The following VPS53 variants were observed in gnomAD, a reference collection of about 807,000 sequenced individuals.
VPS53 encodes VPS53 subunit of GARP complex.
VPS53 carries 70 observed loss-of-function variants against 107.0 expected under a neutral mutation model. The ratio of observed to expected loss-of-function variants is 0.65; its 90% CI spans 0.54 to 0.80. VPS53 has a LOEUF of 0.80. VPS53 is among the 30% of genes least tolerant of loss of function. The pLI is 0.00. For synonymous variants in VPS53, 409 were observed against 393.3 expected, an observed-to-expected ratio of 1.04 and a Z score of -0.47; for missense variants, 917 against 1,049.4, an observed-to-expected ratio of 0.87 and a Z score of 1.74.
rs953953631 is a variant in VPS53, at chr17:524,547, G to A, written c.2086-2809C>T. 4.6e-5 allele frequency among the ~76,000 whole-genome samples: 7 copies of A among 152,288 alleles called. No individual in the cohort carries two copies. The highest frequency in any genetic ancestry group is 2.6e-4 in the Admixed American group (4 of 15,296). ...GAAAAGCACAAACTATCCCAACAGC[G>A]ACACAACAACAGGCAAACAATACTA... On this transcript the variant is annotated intron_variant, in intron 19 of 21. Transcript: ENST00000437048. The surrounding 1 kb of genome is among the most constrained non-coding windows in gnomAD (Gnocchi z 4.5).
At chr17:658,001 C>T in intron 5 of VPS53, among the ~76,000 whole-genome samples, 1 of 124,712 alleles carries the variant, frequency 8.0e-6, no homozygotes, top group African/African-American at 3.2e-5. Flanking sequence ...AAGTGAGATA[C>T]TCGGCCGTGA....
chr17:672,109 G>GACACACACACACACACACACAC (rs10630363), intron 4 of VPS53, among the ~76,000 whole-genome samples: 3 of 108,824 alleles, frequency 2.8e-5, no homozygotes, highest in East Asian at 2.7e-4. Flanking sequence ...TGATGAGGGT[G>GACACACACACACACACACACAC]ACACACACAC....
rs146117188 is a variant in VPS53 at position 554,467 on chromosome 17, G to A, written c.1705-1005C>T. 5.3e-5 allele frequency among the ~76,000 whole-genome samples: 8 copies of A among 152,170 alleles called. No homozygotes were observed. In the East Asian group the frequency reaches 1.4e-3, roughly 26 times the overall value. ...TGCCCAGGCTGGAGTGCAATGGTAC[G>A]ATCTTGGCTCACTGCAACCTCTGCC... On this transcript the variant is annotated intron_variant, in intron 15 of 21. Coordinates refer to ENST00000437048, the MANE Select transcript of VPS53 (RefSeq NM_001128159.3).
At chr17:598,976 C>T (rs749325542) in intron 12 of VPS53, among the ~76,000 whole-genome samples, 852 of 68,024 alleles carry the variant, frequency 0.013, 24 homozygotes, top group Middle Eastern at 0.051. Context: ...CCAGGCCAGC[C>T]GCCCCGTCCG....
At chr17:643,995 G>A (rs1970576476) in intron 7 of VPS53, among the ~76,000 whole-genome samples, 1 of 152,208 alleles carries the variant, frequency 6.6e-6, no homozygotes, top group Admixed American at 6.5e-5. Context: ...AAATGGCTGT[G>A]AAAAATATAT....
intron 18 of VPS53, chr17:536,376 C>G (rs1470180209): frequency 6.6e-6 from 1 of 151,232 alleles, no homozygotes; most frequent in Non-Finnish European, 1.5e-5. Context: ...TGGCTCCTAC[C>G]CTTAAGAGGC....
chr17:599,100 G>A (rs1344326611), intron 12 of VPS53, among the ~76,000 whole-genome samples: 1 of 134,708 alleles, frequency 7.4e-6, no homozygotes, highest in African/African-American at 2.7e-5. Context: ...CCCTCTGCCA[G>A]GCCAGCCGCC....
At position 513,150 on chromosome 17, in the gene VPS53, C is replaced by T. The variant is rs889525904; in HGVS notation, c.*5978G>A. The T allele has an allele frequency of 6.6e-6, 1 of 152,214 alleles. No homozygotes were observed. Among genetic ancestry groups the T allele is most frequent in the Admixed American group, 6.5e-5 (1 of 15,268 alleles). 9.4% of individuals were successfully genotyped at this position (152,214 alleles called of 1,614,324 possible). ...GGCAGCCACCAGGAGCGGCCAGGGTCACGGACTTGCTACTTCTTTCCTAGA... is the reference window on the plus strand; with the variant it reads ...GGCAGCCACCAGGAGCGGCCAGGGTTACGGACTTGCTACTTCTTTCCTAGA... On this transcript the variant is annotated 3_prime_UTR_variant, in exon 22 of 22. Coordinates refer to ENST00000437048, the MANE Select transcript of VPS53 (RefSeq NM_001128159.3).
Position 631,573 on chromosome 17 carries a change from C to T in VPS53, c.664G>A (p.Ala222Thr), listed in dbSNP as rs144345391. ...ACCTTGGTGCCCTGGGAAGGAAACGCTTCTTCAAAATCTGCCAGGATTTGC... is the reference window on the plus strand; with the variant it reads ...ACCTTGGTGCCCTGGGAAGGAAACGTTTCTTCAAAATCTGCCAGGATTTGC... ...GQQILADFEE[A>T]FPSQGTKRPG... Residue 222 changes from alanine to threonine, a missense_variant, in exon 8 of 22, where the codon GCG becomes ACG. By Grantham distance (58) the Ala-to-Thr change is moderately conservative. Transcript: ENST00000437048. 1.3e-5 allele frequency: 21 copies of T among 1,613,946 alleles called. No individual in the cohort carries two copies. In the African/African-American group the frequency reaches 2.1e-4, roughly 16 times the overall value.
intron 14 of VPS53, among the ~76,000 whole-genome samples, chr17:561,302 C>T (rs1408726171): frequency 2.0e-5 from 3 of 152,202 alleles, no homozygotes; most frequent in African/African-American, 7.2e-5. Context: ...AACCACTACC[C>T]ACTCATATCT....
At chr17:552,209 C>T (rs1175784277) in intron 16 of VPS53, among the ~76,000 whole-genome samples, 1 of 152,128 alleles carries the variant, frequency 6.6e-6, no homozygotes, top group Non-Finnish European at 1.5e-5. Flanking sequence ...ACATCTTCCT[C>T]CCAAAGAACC....
chr17:668,045 G>C (rs1173130935), intron 4 of VPS53, among the ~76,000 whole-genome samples: 1 of 152,112 alleles, frequency 6.6e-6, no homozygotes, highest in African/African-American at 2.4e-5. Context: ...CTGCTCGCTG[G>C]TGCCAAAAAG....
At chr17:662,479 G>A (rs1971474804) in intron 4 of VPS53, among the ~76,000 whole-genome samples, 2 of 151,984 alleles carry the variant, frequency 1.3e-5, no homozygotes, top group African/African-American at 4.8e-5. Flanking sequence ...CACGAGGTCA[G>A]GAGATCAAGA....
At chr17:664,459 G>A (rs924969062) in intron 4 of VPS53, among the ~76,000 whole-genome samples, 19 of 152,156 alleles carry the variant, frequency 1.2e-4, no homozygotes, top group Admixed American at 5.2e-4. Context: ...TTGGAGGTCC[G>A]AAAAGACAGA....
intron 17 of VPS53, among the ~76,000 whole-genome samples, chr17:546,856 AG>A (rs1160484416): frequency 7.0e-6 from 1 of 143,752 alleles, no homozygotes; most frequent in African/African-American, 2.6e-5. Context: ...TCCATTCCTT[AG>A]GTCCCTTAGA....
In VPS53 at chr17:627,263, A is replaced by G. The variant is rs1969753122; in HGVS notation, c.885T>C (p.Leu295=). ...GGCCGTATTTCTCCTCATAGTCCAC[A>G]AGCTGGCGTTTTATCCAGGCATAGC... The part of the protein sequence containing the change: ...DRRYAWIKRQ[L]VDYEEKYGRM... The change falls in exon 10 of 22, where the codon CTT becomes CTC. Residue 295 remains leucine, a synonymous_variant. Coordinates refer to ENST00000437048, the MANE Select transcript of VPS53 (RefSeq NM_001128159.3). 6.2e-7 allele frequency: 1 copy of G among 1,614,074 alleles called. No homozygotes were observed. Among genetic ancestry groups the G allele is most frequent in the Non-Finnish European group, 8.5e-7 (1 of 1,180,008 alleles).
At chr17:606,029 G>A (rs1051188264) in intron 11 of VPS53, among the ~76,000 whole-genome samples, 3 of 152,100 alleles carry the variant, frequency 2.0e-5, no homozygotes, top group Admixed American at 6.5e-5. Flanking sequence ...AGTGCTCCAG[G>A]AAAGGGCTGA....
chr17:623,923 T>C (rs1969577692), intron 10 of VPS53, among the ~76,000 whole-genome samples: 1 of 150,956 alleles, frequency 6.6e-6, no homozygotes, highest in African/African-American at 2.5e-5. Context: ...ATACTTATAT[T>C]TATTTGTTTG....
At chr17:576,291 G>A (rs1914603860) in intron 13 of VPS53, among the ~76,000 whole-genome samples, 1 of 150,932 alleles carries the variant, frequency 6.6e-6, no homozygotes, top group South Asian at 2.1e-4. Flanking sequence ...ACTTCCCTGA[G>A]AACCTCAATG....
Sources: allele counts gnomAD v4.1 joint callset (sites outside exome capture counted in the v4.1 genomes callset), GRCh38; gene constraint gnomAD v4.1.1; non-coding constraint Gnocchi (gnomAD v3.1); transcripts MANE v1.5; gene names NCBI Gene and HGNC (gene_info 2026-07-23, HGNC 2026-07-21).